CRYBG1: variants seen among roughly 807,000 people sequenced by gnomAD.
CRYBG1 encodes the protein crystallin beta-gamma domain containing 1, also known as beta/gamma crystallin domain-containing protein 1.
CRYBG1 carries 139 observed loss-of-function variants against 189.2 expected under a neutral mutation model. That is an observed-to-expected ratio of 0.73 (90% CI 0.64 to 0.85). The LOEUF (loss-of-function observed/expected upper bound fraction) is 0.85. Ranked by LOEUF, CRYBG1 falls within the 40% of genes least tolerant of loss-of-function variation. CRYBG1 has a pLI of 0.00. For missense variants in CRYBG1, 2,611 were observed against 2,675.8 expected, an observed-to-expected ratio of 0.98 and a Z score of 0.53; for synonymous variants, 1,023 against 1,017.1, an observed-to-expected ratio of 1.01 and a Z score of -0.11.
At chr6:106,388,106 A>C (rs1260167504) in intron 1 of CRYBG1, among the ~76,000 whole-genome samples, 1 of 152,174 alleles carries the variant, frequency 6.6e-6, no homozygotes, top group Non-Finnish European at 1.5e-5. Context: ...TTGGATGTCT[A>C]GTTATGCCAC....
At chr6:106,392,483 A>C (rs1770527368) in intron 1 of CRYBG1, among the ~76,000 whole-genome samples, 1 of 152,196 alleles carries the variant, frequency 6.6e-6, no homozygotes, top group Non-Finnish European at 1.5e-5. Flanking sequence ...AGGCCCAGTG[A>C]AGGCAAAAGA....
At chr6:106,568,403 G>T in intron 21 of CRYBG1, 69 bp from the exon 22 acceptor site, 1 of 1,229,430 alleles carries the variant, frequency 8.1e-7, no homozygotes, top group South Asian at 1.3e-5. Flanking sequence ...CTGGTGTTAG[G>T]GGAATTGTGT....
At position 106,551,947 on chromosome 6, in the gene CRYBG1, G is replaced by T. The variant is rs2297970; in HGVS notation, c.5408G>T (p.Cys1803Phe). The T allele has an allele frequency of 2.5e-6, 4 of 1,609,418 alleles. No individual in the cohort carries two copies. The highest frequency in any genetic ancestry group is 4.5e-5 in the East Asian group (2 of 44,750). ...TSFEDWGGKNCKISSVQPICL... is the reference protein window; with the variant it reads ...TSFEDWGGKNFKISSVQPICL... Reference sequence around the variant, plus strand: ...TTTGAGGACTGGGGAGGCAAAAATTGTAAGATCTCTTCTGTTCAACCTATA... The same window carrying T: ...TTTGAGGACTGGGGAGGCAAAAATTTTAAGATCTCTTCTGTTCAACCTATA... The change falls in exon 14 of 22, where the codon TGT (cysteine) becomes TTT (phenylalanine). Residue 1803 changes from cysteine to phenylalanine, a missense_variant. Around this residue, in one of 3 missense-constraint regions of CRYBG1, gnomAD observed 1,622 missense variants for 1,735.0 expected, o/e 0.93. Transcript: ENST00000633556.
chr6:106,529,150 T>C (rs1273001618), intron 7 of CRYBG1, among the ~76,000 whole-genome samples: 1 of 152,198 alleles, frequency 6.6e-6, no homozygotes, highest in Non-Finnish European at 1.5e-5. Context: ...TTTGCCATAT[T>C]GGCCAGGCTG....
intron 2 of CRYBG1, among the ~76,000 whole-genome samples, chr6:106,500,820 G>A (rs187443673): frequency 1.3e-5 from 2 of 152,152 alleles, no homozygotes; most frequent in Non-Finnish European, 2.9e-5. Context: ...AAATAATCCA[G>A]AGGAGGAATA....
intron 6 of CRYBG1, 40 bp downstream of exon 6, chr6:106,525,426 A>G: frequency 6.7e-7 from 1 of 1,497,354 alleles, no homozygotes; most frequent in Non-Finnish European, 9.3e-7. Flanking sequence ...CAAGTGTTTG[A>G]GTTTTACATA....
At chr6:106,531,564 C>T (rs909313925) in intron 8 of CRYBG1, among the ~76,000 whole-genome samples, 1 of 152,118 alleles carries the variant, frequency 6.6e-6, no homozygotes, top group Admixed American at 6.5e-5. Context: ...GCAGGGAGTA[C>T]TCAGGTAGAG....
intron 21 of CRYBG1, 111 bp downstream of exon 21, chr6:106,564,037 AAG>A: frequency 8.6e-7 from 1 of 1,165,600 alleles, no homozygotes. Context: ...TAGTAACAGT[AAG>A]AGAGCCCCTA....
intron 1 of CRYBG1, among the ~76,000 whole-genome samples, chr6:106,431,195 C>T (rs1375774868): frequency 1.3e-5 from 2 of 152,170 alleles, no homozygotes; most frequent in Non-Finnish European, 2.9e-5. Flanking sequence ...TTACCACAGC[C>T]TCCTAAAAAT....
At chr6:106,498,558 G>T (rs985564922) in intron 2 of CRYBG1, among the ~76,000 whole-genome samples, 1 of 152,130 alleles carries the variant, frequency 6.6e-6, no homozygotes, top group Non-Finnish European at 1.5e-5. Flanking sequence ...AGCAATTGTG[G>T]TATATCAGCA....
chr6:106,441,217 T>C (rs1408301777), intron 1 of CRYBG1, among the ~76,000 whole-genome samples: 1 of 152,098 alleles, frequency 6.6e-6, no homozygotes, highest in East Asian at 1.9e-4. Context: ...CAGCTGGAAG[T>C]CTGAGGTGGA....
chr6:106,541,646 A>T, intron 10 of CRYBG1, 25 bp downstream of exon 10: 1 of 1,442,990 alleles, frequency 6.9e-7, no homozygotes, highest in South Asian at 1.2e-5. Flanking sequence ...GTATTTTTGT[A>T]TGTATGTATA....
At chr6:106,472,198 G>C (rs1772246139) in intron 2 of CRYBG1, among the ~76,000 whole-genome samples, 1 of 152,256 alleles carries the variant, frequency 6.6e-6, no homozygotes, top group Middle Eastern at 3.4e-3. Flanking sequence ...AAAGCTATTA[G>C]AGTAGGAACT....
Position 106,543,502 on chromosome 6 carries a change from T to C in CRYBG1, c.4944T>C (p.Cys1648=). Residue 1648 remains cysteine (C), a synonymous_variant, in exon 11 of 22, where the codon TGT becomes TGC. Transcript: ENST00000633556. The part of the protein sequence containing the change: ...GKCVELETGM[C]SFVMEGGETE... ...GTGTGGAACTAGAAACAGGAATGTG[T>C]AGTTTTGTCATGGAGGGAGGTGAAA... The C allele has an allele frequency of 6.2e-7, 1 of 1,614,094 alleles. No homozygotes were observed. Among genetic ancestry groups the C allele is most frequent in the Non-Finnish European group, 8.5e-7 (1 of 1,179,956 alleles).
At chr6:106,383,619 CTG>C (rs1255901580) in intron 1 of CRYBG1, among the ~76,000 whole-genome samples, 3 of 152,204 alleles carry the variant, frequency 2.0e-5, no homozygotes, top group East Asian at 1.9e-4. Flanking sequence ...TCCTGAAAGA[CTG>C]TGAAACAAAA....
At chr6:106,496,097 C>G (rs1191080251) in intron 2 of CRYBG1, among the ~76,000 whole-genome samples, 1 of 152,166 alleles carries the variant, frequency 6.6e-6, no homozygotes, top group Non-Finnish European at 1.5e-5. Context: ...CACATACTTT[C>G]CCCAAACAAG....
chr6:106,510,956 G>T (rs1012907976), intron 2 of CRYBG1, among the ~76,000 whole-genome samples: 2 of 151,950 alleles, frequency 1.3e-5, no homozygotes, highest in African/African-American at 4.8e-5. Context: ...GCTAGGACTG[G>T]TTTTTTTTCT....
At chr6:106,458,010 G>A (rs142013020) in intron 2 of CRYBG1, among the ~76,000 whole-genome samples, 5 of 152,328 alleles carry the variant, frequency 3.3e-5, no homozygotes, top group African/African-American at 9.6e-5. Context: ...GTGGTAAGGT[G>A]ATAAGGGTGG....
At position 106,511,672 on chromosome 6, in the gene CRYBG1, C is replaced by A; in HGVS notation, c.555C>A (p.Ser185=). 1 of 1,535,668 alleles carries A rather than the reference C, an allele frequency of 6.5e-7. No homozygotes were observed. The highest frequency in any genetic ancestry group is 1.2e-5 in the South Asian group (1 of 84,048). ...LKQTDTSEEG[S]PRENPREAEG... Reference sequence around the variant, plus strand: ...AAACGGACACAAGCGAGGAGGGCTCCCCGCGGGAGAATCCCCGAGAGGCAG... The same window carrying A: ...AAACGGACACAAGCGAGGAGGGCTCACCGCGGGAGAATCCCCGAGAGGCAG... Residue 185 remains serine, a synonymous_variant, in exon 3 of 22, where the codon TCC becomes TCA. Transcript: ENST00000633556.
Sources: gnomAD v4.1 joint callset for allele counts (sites outside exome capture counted in the v4.1 genomes callset) on GRCh38, gnomAD v4.1.1 for gene constraint, gnomAD v4.1.1 regional missense constraint, MANE v1.5 for transcripts, NCBI Gene and HGNC (gene_info 2026-07-23, HGNC 2026-07-21) for gene names.